The following GRHL3 variants were observed in gnomAD, a reference collection of about 807,000 sequenced individuals.
GRHL3 encodes grainyhead-like protein 3 homolog.
A neutral mutation model predicts 70.3 loss-of-function variants in GRHL3; 20 were observed. The observed-to-expected ratio is 0.28, with a 90% confidence interval of 0.20 to 0.41. The LOEUF (loss-of-function observed/expected upper bound fraction) is 0.41. Among genes scored for constraint, GRHL3 ranks in the 10% least tolerant of loss-of-function variants. The pLI is 1.00. For missense variants in GRHL3, 637 were observed against 762.3 expected (o/e 0.84, Z 1.94); for synonymous variants, 299 against 299.9 (o/e 1.00, Z 0.03).
chr1:24,359,592 G>A (rs1025304833), downstream of GRHL3, among the ~76,000 whole-genome samples: 2 of 152,142 alleles, frequency 1.3e-5, no homozygotes, highest in Non-Finnish European at 1.5e-5. This position sits in a 1 kb window ranked among gnomAD's most constrained non-coding sequence, Gnocchi z 5.3. Flanking sequence ...TGGAGCTGAC[G>A]GCATCTCCCC....
rs768087580 is a variant in GRHL3, at chr1:24,337,166, C to G, written c.686+15C>G. The G allele has an allele frequency of 4.4e-6, 7 of 1,603,874 alleles. No homozygotes were observed. Among genetic ancestry groups the G allele is most frequent in the Non-Finnish European group, 5.1e-6 (6 of 1,171,348 alleles). On this transcript the variant is annotated intron_variant, in intron 5 of 15. Coordinates refer to ENST00000361548, the MANE Select transcript of GRHL3 (RefSeq NM_198173.3). ...AGCCTCAAAAGGTAACTTGGTCTCCCTGGACCCTCAGACACCTGGGCAGTG... is the reference window on the plus strand; with the variant it reads ...AGCCTCAAAAGGTAACTTGGTCTCCGTGGACCCTCAGACACCTGGGCAGTG...
rs1251081114 is a variant in GRHL3, at chr1:24,321,386, A to C, written c.17+1818A>C. 6.6e-6 allele frequency among the ~76,000 whole-genome samples: 1 copy of C among 152,192 alleles called. No individual in the cohort carries two copies. The highest frequency in any genetic ancestry group is 1.5e-5 in the Non-Finnish European group (1 of 68,036). On this transcript the variant is annotated intron_variant, in intron 1 of 15. Coordinates refer to ENST00000361548, the MANE Select transcript of GRHL3 (RefSeq NM_198173.3). This position sits in a 1 kb window ranked among gnomAD's most constrained non-coding sequence, Gnocchi z 4.0. ...AGAGCCTGGGGGCTCAGCTGCCCCT[A>C]CTGGTAAGGGGAGGGCACCCGGCGC...
chr1:24,324,831 T>C (rs895517328), intron 1 of GRHL3, among the ~76,000 whole-genome samples: 1 of 152,172 alleles, frequency 6.6e-6, no homozygotes, highest in Non-Finnish European at 1.5e-5. Flanking sequence ...GAGTTCATAC[T>C]GCCTCATGCA....
Position 24,321,222 on chromosome 1 carries a change from TCTCCTCC to T in GRHL3, c.17+1657_17+1663del, listed in dbSNP as rs1255559283. On this transcript the variant is annotated intron_variant, in intron 1 of 15. Transcript: ENST00000361548. This position sits in a 1 kb window ranked among gnomAD's most constrained non-coding sequence, Gnocchi z 4.0. ...CTTGAACAGAAAGGTTTCTTGCTTT[TCTCCTCC>T]CTAATGGTTTGGATTTGAAGTCAGA... Among the ~76,000 whole-genome samples, 2 of 152,218 alleles carry T rather than the reference TCTCCTCC, an allele frequency of 1.3e-5. No homozygotes were observed. The highest frequency in any genetic ancestry group is 4.8e-5 in the African/African-American group (2 of 41,434).
At position 24,342,795 on chromosome 1, in the gene GRHL3, G is replaced by A. The variant is rs373623222; in HGVS notation, c.1285+23G>A. 29 of 1,613,886 alleles carry A rather than the reference G, an allele frequency of 1.8e-5. No individual in the cohort carries two copies. Among genetic ancestry groups the A allele is most frequent in the Non-Finnish European group, 1.8e-5 (21 of 1,179,898 alleles). Reference sequence around the variant, plus strand: ...GTGGTCAGTGGGGATCCAGGGCCTGGGTGGGCTCGGCTGGCGTGAAGGGGA... The same window carrying A: ...GTGGTCAGTGGGGATCCAGGGCCTGAGTGGGCTCGGCTGGCGTGAAGGGGA... On this transcript the variant is annotated intron_variant, in intron 10 of 15. Coordinates refer to ENST00000361548, the MANE Select transcript of GRHL3 (RefSeq NM_198173.3). The surrounding 1 kb of genome is among the most constrained non-coding windows in gnomAD (Gnocchi z 4.8).
chr1:24,359,662 G>A (rs776018631), downstream of GRHL3, among the ~76,000 whole-genome samples: 4 of 152,176 alleles, frequency 2.6e-5, no homozygotes, highest in South Asian at 2.1e-4. This position sits in a 1 kb window ranked among gnomAD's most constrained non-coding sequence, Gnocchi z 5.3. Context: ...TCCCTCGCAC[G>A]GGAGCATCGT....
At chr1:24,362,388 G>A in intron 15 of GRHL3, among the ~76,000 whole-genome samples, 1 of 152,194 alleles carries the variant, frequency 6.6e-6, no homozygotes, top group East Asian at 1.9e-4. Flanking sequence ...TGGCGGAGGG[G>A]ACTGAGTTTA....
rs115551059 is a variant in GRHL3 at position 24,319,364 on chromosome 1, G to C, written c.-188G>C. ...CTGTTGAGGTATACCTCCAGTCGCC[G>C]GCACCTGTACCTGTAGCCAATCAGC... On this transcript the variant is annotated 5_prime_UTR_variant, in exon 1 of 16. Transcript: ENST00000361548. 2 of 656,080 alleles carry C rather than the reference G, an allele frequency of 3.0e-6. No individual in the cohort carries two copies. Among genetic ancestry groups the C allele is most frequent in the East Asian group, 5.6e-5 (2 of 36,024 alleles). The allele number at this position is 656,080 out of a possible 1,614,324, so 40.6% of individuals were successfully genotyped here.
intron 11 of GRHL3, among the ~76,000 whole-genome samples, chr1:24,343,938 G>A (rs1640145596): frequency 2.0e-5 from 3 of 152,178 alleles, no homozygotes; most frequent in Admixed American, 2.0e-4. Context: ...CACTGTCTGT[G>A]TCCCTCCTCT....
At chr1:24,341,830 C>A (rs138167382) in intron 8 of GRHL3, among the ~76,000 whole-genome samples, 2 of 152,242 alleles carry the variant, frequency 1.3e-5, no homozygotes, top group African/African-American at 4.8e-5. Context: ...GGCAGTCTAG[C>A]GGAAACTGTA....
intron 15 of GRHL3, among the ~76,000 whole-genome samples, chr1:24,361,688 A>G (rs1330675745): frequency 6.6e-6 from 1 of 152,066 alleles, no homozygotes; most frequent in Non-Finnish European, 1.5e-5. Flanking sequence ...ATAACCCTTT[A>G]CCACTCACAC....
intron 15 of GRHL3, chr1:24,360,853 G>C (rs182549082): frequency 1.6e-5 from 26 of 1,610,508 alleles, no homozygotes; most frequent in African/African-American, 2.7e-5. Context: ...CCTCTGACCT[G>C]GGCCAGGCAG....
At chr1:24,355,781 T>C (rs1640693445), downstream of GRHL3, among the ~76,000 whole-genome samples, 2 of 152,214 alleles carry the variant, frequency 1.3e-5, no homozygotes, top group African/African-American at 4.8e-5. Flanking sequence ...TGTGGTCATG[T>C]TGGCACATTG....
chr1:24,358,043 T>C (rs1369407079), downstream of GRHL3: 3 of 364,278 alleles, frequency 8.2e-6, no homozygotes, highest in East Asian at 7.4e-5. Flanking sequence ...TTTCGCCCAG[T>C]AGACATACCG....
intron 2 of GRHL3, among the ~76,000 whole-genome samples, chr1:24,333,005 A>C (rs1172303043): frequency 1.3e-5 from 2 of 152,162 alleles, no homozygotes; most frequent in Admixed American, 1.3e-4. Flanking sequence ...AGAATTCTAG[A>C]TCTAGGTTCA....
chr1:24,330,981 C>T (rs190860081), intron 1 of GRHL3, among the ~76,000 whole-genome samples: 10 of 152,374 alleles, frequency 6.6e-5, no homozygotes, highest in East Asian at 3.9e-4. Flanking sequence ...AAATGATCTA[C>T]GCCTTCTGTG....
intron 5 of GRHL3, 81 bp downstream of exon 5, chr1:24,337,232 C>A: frequency 1.1e-6 from 1 of 933,834 alleles, no homozygotes; most frequent in South Asian, 1.5e-5. Context: ...GTCCCCAGAG[C>A]ATAGCAGGCA....
chr1:24,342,418 C>G lies in GRHL3; in HGVS notation c.1206+145C>G, dbSNP rs1640079934. The G allele has an allele frequency of 1.5e-6, 1 of 685,848 alleles. No homozygotes were observed. 42.5% of individuals were successfully genotyped at this position (685,848 alleles called of 1,614,324 possible). On this transcript the variant is annotated intron_variant, in intron 9 of 15. Transcript: ENST00000361548. This position sits in a 1 kb window ranked among gnomAD's most constrained non-coding sequence, Gnocchi z 4.8. ...TCCTCCTTCCCCTCTCCTCCTCCAC[C>G]CCCACTCCTCCATCTCTCTGTCTCT... is the stretch of plus-strand genomic sequence containing the variant.
intron 1 of GRHL3, among the ~76,000 whole-genome samples, chr1:24,325,552 G>A (rs1477542622): frequency 6.6e-6 from 1 of 152,276 alleles, no homozygotes; most frequent in Middle Eastern, 3.4e-3. Context: ...AAAGCAGTGG[G>A]CATTTTGACT....
Sources: gnomAD v4.1 joint callset for allele counts (sites outside exome capture counted in the v4.1 genomes callset) on GRCh38, gnomAD v4.1.1 for gene constraint, Gnocchi (gnomAD v3.1) non-coding constraint, MANE v1.5 for transcripts, NCBI Gene and HGNC (gene_info 2026-07-23, HGNC 2026-07-21) for gene names.